Variants in UBA1 observed in about 807,000 individuals in gnomAD.
UBA1 encodes ubiquitin like modifier activating enzyme 1.
In UBA1, 4 loss-of-function variants were observed where a neutral mutation model predicts 84.7. The observed-to-expected ratio is 0.05, with a 90% CI of 0.02 to 0.11. The LOEUF (loss-of-function observed/expected upper bound fraction) is 0.11, where lower values mean the gene tolerates loss of function less well. UBA1 is among the 10% of genes least tolerant of loss of function. The pLI is 1.00. For missense variants in UBA1, 513 were observed against 902.8 expected, an observed-to-expected ratio of 0.57 and a Z score of 5.53; for synonymous variants, 364 against 362.6, an observed-to-expected ratio of 1.00 and a Z score of -0.04.
rs781803482 is a variant in UBA1 at position 47,201,532 on chromosome X, G to A, written c.733G>A (p.Gly245Arg). 14 of 1,210,252 alleles carry A rather than the reference G, an allele frequency of 1.2e-5. No individual in the cohort carries two copies. Among genetic ancestry groups the A allele is most frequent in the African/African-American group, 7.0e-5 (4 of 57,167 alleles). ...LDEARHGFES[G>R]DFVSFSEVQG... ...TGAGGCCCGACACGGGTTTGAGAGC[G>A]GGGACTTTGTCTCCTTTTCAGAAGT... The change falls in exon 8 of 26, where the codon GGG becomes AGG. Residue 245 changes from glycine to arginine, a missense_variant. By Grantham distance (125) the Gly-to-Arg change is moderately radical. Transcript: ENST00000335972.
intron 1 of UBA1, chrX:47,198,105 C>T (rs1936268537): frequency 1.2e-5 from 11 of 909,016 alleles, no homozygotes; most frequent in Non-Finnish European, 1.5e-5. Flanking sequence ...TTTCCCCTCC[C>T]AAAGCTGGGG....
At chrX:47,214,463 AG>A in intron 24 of UBA1, 35 bp downstream of exon 24, 1 of 1,199,107 alleles carries the variant, frequency 8.3e-7, no homozygotes, top group East Asian at 3.0e-5. Flanking sequence ...ACCCCACCTC[AG>A]GGGGCGAGGT....
chrX:47,200,872 C>T, intron 5 of UBA1, 22 bp from the exon 6 acceptor site: 3 of 1,158,322 alleles, frequency 2.6e-6, no homozygotes, highest in South Asian at 1.9e-5. Flanking sequence ...AATGCTGGGC[C>T]TGAGCCTCCA....
At chrX:47,211,591 C>T (rs782523100) in intron 20 of UBA1, among the ~76,000 whole-genome samples, 7 of 110,699 alleles carry the variant, frequency 6.3e-5, no homozygotes, top group Non-Finnish European at 9.5e-5. Context: ...CTTCCAGATC[C>T]GCCCCCATCT....
rs782198483 is a variant in UBA1, at chrX:47,200,006, C to T, written c.480+392C>T. On this transcript the variant is annotated intron_variant, in intron 5 of 25. Transcript: ENST00000335972. ...TTCACTGTGTTAGCCAGGGTGGTCT[C>T]GATCTCCTGACCTTGTGATCCGCCC... is the stretch of plus-strand genomic sequence containing the variant. Among the ~76,000 whole-genome samples the T allele has an allele frequency of 5.5e-5, 6 of 110,040 alleles. No individual in the cohort carries two copies. In the East Asian group the frequency reaches 1.7e-3, roughly 32 times the overall value.
chrX:47,211,277 A>G (rs1936903946), intron 20 of UBA1, 52 bp downstream of exon 20: 1 of 1,164,738 alleles, frequency 8.6e-7, no homozygotes, highest in Admixed American at 2.2e-5. Flanking sequence ...TCCCCGGCCT[A>G]GTCCAGCCTC....
At chrX:47,210,986 C>T in intron 19 of UBA1, 50 bp from the exon 20 acceptor site, 5 of 1,208,749 alleles carry the variant, frequency 4.1e-6, no homozygotes, top group Non-Finnish European at 5.6e-6. Context: ...GTGGCGGCTC[C>T]CCACTCGAGG....
At chrX:47,196,024 A>G (rs962322906) in intron 1 of UBA1, among the ~76,000 whole-genome samples, 1 of 109,633 alleles carries the variant, frequency 9.1e-6, no homozygotes, top group Admixed American at 9.7e-5. Context: ...GCCTCCTCAG[A>G]CTCTAGAATC....
At position 47,212,779 on chromosome X, in the gene UBA1, C is replaced by G. The variant is rs782321667; in HGVS notation, c.2562C>G (p.Asp854Glu). 1.7e-6 allele frequency: 2 copies of G among 1,210,815 alleles called. No homozygotes were observed. The change falls in exon 22 of 26, where the codon GAC becomes GAG. Residue 854 changes from aspartate (D) to glutamate (E), a missense_variant. Asp to Glu is a conservative substitution (Grantham distance 45). Transcript: ENST00000335972. ...CTCCCCACTCATAACAGGATGATGA[C>G]AGCAACTTTCATATGGATTTCATCG... Reference protein sequence around the residue: ...MYPIDFEKDDDSNFHMDFIVA... With the variant: ...MYPIDFEKDDESNFHMDFIVA...
Position 47,196,507 on chromosome X carries a change from A to C in UBA1, c.1-2296A>C, listed in dbSNP as rs782048100. Among the ~76,000 whole-genome samples, 27 of 111,464 alleles carry C rather than the reference A, an allele frequency of 2.4e-4. No homozygotes were observed. The South Asian group carries it at 0.01, about 42-fold the overall frequency. On this transcript the variant is annotated intron_variant, in intron 1 of 25. Transcript: ENST00000335972. The stretch of plus-strand genomic sequence containing the variant: ...ACTAAGCCACAGCTCAGCTTTGCCA[A>C]ACAGTTCACAGTGTGTATGTTATGG...
chrX:47,214,851 G>A lies in UBA1; in HGVS notation c.3099G>A (p.Ala1033=), dbSNP rs370679384. ...GAAAGCTGGGCCGCCACGTGCGGGCGCTGGTGCTTGAGCTGTGCTGTAACG... is the reference window on the plus strand; with the variant it reads ...GAAAGCTGGGCCGCCACGTGCGGGCACTGGTGCTTGAGCTGTGCTGTAACG... ...SKRKLGRHVR[A]LVLELCCNDE... is the part of the protein sequence containing the mutation. Residue 1033 remains alanine, a synonymous_variant, in exon 26 of 26, where the codon GCG becomes GCA. Transcript: ENST00000335972. 2.5e-6 allele frequency: 3 copies of A among 1,211,918 alleles called. No individual in the cohort carries two copies. Among genetic ancestry groups the A allele is most frequent in the East Asian group, 3.0e-5 (1 of 33,853 alleles).
At chrX:47,193,734 T>C (rs1556784670), upstream of UBA1, 1 of 112,643 alleles carries the variant, frequency 8.9e-6, no homozygotes, top group East Asian at 2.8e-4. Context: ...TAGGGAACTT[T>C]ATGCATGATT....
At chrX:47,198,052 G>C in intron 1 of UBA1, 2 of 899,401 alleles carry the variant, frequency 2.2e-6, no homozygotes, top group Non-Finnish European at 2.8e-6. Flanking sequence ...GGATGTGTTT[G>C]TTTTCTATCT....
intron 1 of UBA1, chrX:47,197,555 G>A (rs1336289908): frequency 8.0e-6 from 6 of 751,890 alleles, no homozygotes; most frequent in South Asian, 6.8e-5. Context: ...GGGAAGTGAC[G>A]CTGGGTCCTC....
At chrX:47,208,017 ATCCTGTGTG>A (rs1368210550) in intron 16 of UBA1, among the ~76,000 whole-genome samples, 1 of 112,612 alleles carries the variant, frequency 8.9e-6, no homozygotes, top group African/African-American at 3.2e-5. Context: ...TAAAGATGTT[ATCCTGTGTG>A]CCTGAAGTCA....
At chrX:47,195,324 A>C (rs781963939) in intron 1 of UBA1, among the ~76,000 whole-genome samples, 3 of 110,590 alleles carry the variant, frequency 2.7e-5, no homozygotes, top group Non-Finnish European at 5.7e-5. Context: ...ATCTCAGCTC[A>C]CTGCAACCTC....
At chrX:47,205,906 C>T (rs1556790709) in intron 14 of UBA1, 42 bp from the exon 15 acceptor site, 2 of 1,182,587 alleles carry the variant, frequency 1.7e-6, no homozygotes, top group Non-Finnish European at 2.3e-6. Flanking sequence ...GAGCTTTGTT[C>T]CCCCATCCCC....
Position 47,202,283 on chromosome X carries a change from T to TG in UBA1, c.909+36dup, listed in dbSNP as rs782343242. ...GTGTGTCGATGGGATCAGTGGGCTG[T>TG]GGGGGGTGGTTCTAGGCATTCCCTA... On this transcript the variant is annotated intron_variant, in intron 9 of 25. Coordinates refer to ENST00000335972, the MANE Select transcript of UBA1 (RefSeq NM_003334.4). The TG allele has an allele frequency of 1.2e-5, 14 of 1,205,137 alleles. No individual in the cohort carries two copies. In the South Asian group the frequency reaches 1.8e-4, roughly 15 times the overall value.
intron 5 of UBA1, among the ~76,000 whole-genome samples, chrX:47,200,588 G>A (rs781870560): frequency 8.9e-6 from 1 of 112,043 alleles, no homozygotes; most frequent in East Asian, 2.8e-4. Flanking sequence ...TGGAGACAGA[G>A]TTTTACTCCA....
Sources: gnomAD v4.1 joint callset for allele counts (sites outside exome capture counted in the v4.1 genomes callset) on GRCh38, gnomAD v4.1.1 for gene constraint, MANE v1.5 for transcripts, NCBI Gene and HGNC (gene_info 2026-07-23, HGNC 2026-07-21) for gene names.